The following NPLOC4 variants were observed in gnomAD, a reference collection of about 807,000 sequenced individuals.
NPLOC4 encodes NPL4 homolog, ubiquitin recognition factor.
A neutral mutation model predicts 80.6 loss-of-function variants in NPLOC4; 18 were observed. The observed-to-expected ratio is 0.22, with a 90% CI of 0.15 to 0.33. NPLOC4 has a LOEUF of 0.33. NPLOC4 is among the 10% of genes least tolerant of loss of function. The pLI, the probability that NPLOC4 is intolerant of heterozygous loss-of-function variation, is 1.00. For missense variants in NPLOC4, 540 were observed against 786.1 expected (o/e 0.69, Z 3.74); for synonymous variants, 313 against 301.5 (o/e 1.04, Z -0.39).
At position 81,634,590 on chromosome 17, in the gene NPLOC4, T is replaced by TC. The variant is rs953723478; in HGVS notation, c.15+2325_15+2326insG. On this transcript the variant is annotated intron_variant, in intron 1 of 16. Coordinates refer to ENST00000331134, the MANE Select transcript of NPLOC4 (RefSeq NM_017921.4). ...AGGCAAAGTCACCAATGATTAACAC[T>TC]TTTTTTTTTTTTTTTGAGACAGTCT... Among the ~76,000 whole-genome samples, 7 of 50,196 alleles carry TC rather than the reference T, an allele frequency of 1.4e-4. No homozygotes were observed. The African/African-American group carries it at 1.9e-3, about 14-fold the overall frequency. The allele number at this position is 50,196 out of a possible 152,430, so 32.9% of individuals were successfully genotyped here.
chr17:81,627,862 G>C (rs528608201), intron 2 of NPLOC4, among the ~76,000 whole-genome samples: 1 of 152,270 alleles, frequency 6.6e-6, no homozygotes, highest in African/African-American at 2.4e-5. Context: ...CTGGAACCCA[G>C]GAGGCGGAGG....
chr17:81,636,811 G>A (rs1343904512), intron 1 of NPLOC4, 105 bp downstream of exon 1: 48 of 1,205,408 alleles, frequency 4.0e-5, no homozygotes, highest in Admixed American at 1.9e-4. Context: ...GAAGAGAAAG[G>A]GGCCGAGTCG....
At chr17:81,614,727 C>T (rs564491067) in intron 3 of NPLOC4, among the ~76,000 whole-genome samples, 15 of 152,268 alleles carry the variant, frequency 9.9e-5, no homozygotes, top group African/African-American at 3.6e-4. Context: ...TGGCAAACTG[C>T]TGACCTCAGA....
chr17:81,582,170 A>G (rs1294465843), intron 12 of NPLOC4, among the ~76,000 whole-genome samples: 1 of 152,242 alleles, frequency 6.6e-6, no homozygotes, highest in Non-Finnish European at 1.5e-5. Flanking sequence ...CTAGGAGCCC[A>G]AGCTGAGGCC....
Position 81,559,286 on chromosome 17 carries a change from G to C in NPLOC4, c.1800C>G (p.Cys600Trp). ...TFMNQPGTGH[C>W]EMCSLPRT ...AGGTCCTGGGGAGGCTGCACATCTCGCAGTGGCCTGTGCCTGGCTGGTTCA... is the reference window on the plus strand; with the variant it reads ...AGGTCCTGGGGAGGCTGCACATCTCCCAGTGGCCTGTGCCTGGCTGGTTCA... The change falls in exon 17 of 17, where the codon TGC (cysteine) becomes TGG (tryptophan). Residue 600 changes from cysteine (C) to tryptophan (W), a missense_variant. Around this residue, in one of 6 missense-constraint regions of NPLOC4, gnomAD observed 87 missense variants for 70.3 expected, o/e 1.24. Transcript: ENST00000331134. The C allele has an allele frequency of 6.2e-7, 1 of 1,604,850 alleles. No homozygotes were observed. The highest frequency in any genetic ancestry group is 8.5e-7 in the Non-Finnish European group (1 of 1,176,198).
At chr17:81,632,241 C>G (rs1280311009) in intron 1 of NPLOC4, among the ~76,000 whole-genome samples, 1 of 152,128 alleles carries the variant, frequency 6.6e-6, no homozygotes. Flanking sequence ...TCCTAAAGTG[C>G]TGGGATTATA....
chr17:81,565,628 G>T, intron 15 of NPLOC4, 21 bp from the exon 16 acceptor site: 3 of 1,526,404 alleles, frequency 2.0e-6, no homozygotes, highest in Non-Finnish European at 2.6e-6. Flanking sequence ...CCAAAAGGAA[G>T]GTTCCTCTTC....
At position 81,635,770 on chromosome 17, in the gene NPLOC4, A is replaced by G. The variant is rs1199709002; in HGVS notation, c.15+1146T>C. ...AGACTGTCACAATGCTACAGTATGA[A>G]CATTACTCTTCACCCAATACTGCTA... On this transcript the variant is annotated intron_variant, in intron 1 of 16. Coordinates refer to ENST00000331134, the MANE Select transcript of NPLOC4 (RefSeq NM_017921.4). 3.3e-5 allele frequency among the ~76,000 whole-genome samples: 5 copies of G among 152,160 alleles called. No homozygotes were observed. In the East Asian group the frequency reaches 9.6e-4, roughly 29 times the overall value.
chr17:81,579,900 C>T (rs2034394558), intron 12 of NPLOC4, among the ~76,000 whole-genome samples: 1 of 151,928 alleles, frequency 6.6e-6, no homozygotes, highest in South Asian at 2.1e-4. Flanking sequence ...TGAGCTCACC[C>T]CCCATTCTCC....
intron 16 of NPLOC4, 66 bp from the exon 17 acceptor site, chr17:81,559,482 C>T: frequency 6.6e-7 from 1 of 1,518,154 alleles, no homozygotes; most frequent in South Asian, 1.3e-5. Context: ...AGAGTGTGGG[C>T]ATGGGGGCAG....
intron 16 of NPLOC4, among the ~76,000 whole-genome samples, chr17:81,559,719 G>C (rs1037229180): frequency 7.3e-6 from 1 of 136,342 alleles, no homozygotes. Flanking sequence ...CATTTGGGTT[G>C]TTTCCAGCTT....
intron 3 of NPLOC4, 48 bp from the exon 4 acceptor site, chr17:81,613,542 C>G (rs780199960): frequency 1.3e-6 from 2 of 1,554,118 alleles, no homozygotes; most frequent in Non-Finnish European, 8.7e-7. Context: ...ACCACCTGAG[C>G]TTCATGGAAG....
chr17:81,636,861 G>C, intron 1 of NPLOC4, 55 bp downstream of exon 1: 1 of 1,388,322 alleles, frequency 7.2e-7, no homozygotes, highest in Non-Finnish European at 9.4e-7. Context: ...GCCGAGGCCG[G>C]CAAATCTGCT....
chr17:81,579,839 CGAAA>C (rs1321587350), intron 12 of NPLOC4, among the ~76,000 whole-genome samples: 1 of 152,048 alleles, frequency 6.6e-6, no homozygotes, highest in Non-Finnish European at 1.5e-5. Context: ...TGAAACCCCC[CGAAA>C]GAGTCATGCA....
chr17:81,559,190 C>T lies in NPLOC4; in HGVS notation c.*69G>A. The stretch of plus-strand genomic sequence containing the variant: ...CTATGGGGCAGTTACAGGGAACACA[C>T]TCAGCAACGCTTCTGGCTTCAGGAA... On this transcript the variant is annotated 3_prime_UTR_variant, in exon 17 of 17. Transcript: ENST00000331134. The T allele has an allele frequency of 6.7e-7, 1 of 1,492,632 alleles. No homozygotes were observed. Among genetic ancestry groups the T allele is most frequent in the Non-Finnish European group, 9.0e-7 (1 of 1,114,666 alleles). 92.5% of individuals were successfully genotyped at this position (1,492,632 alleles called of 1,614,324 possible).
At chr17:81,607,172 A>G (rs572918466) in intron 6 of NPLOC4, among the ~76,000 whole-genome samples, 3 of 152,324 alleles carry the variant, frequency 2.0e-5, no homozygotes, top group East Asian at 3.9e-4. Flanking sequence ...AGGCTCCTAC[A>G]GGTTTCATTA....
Position 81,622,240 on chromosome 17 carries a change from C to T in NPLOC4, c.135G>A (p.Ser45=). ...CGGTCTTGTTTCTATTGATGTAAACCGAGAAGCCATTATTTTGGAAGCCAA... is the reference window on the plus strand; with the variant it reads ...CGGTCTTGTTTCTATTGATGTAAACTGAGAAGCCATTATTTTGGAAGCCAA... ...KEFGFQNNGF[S]VYINRNKTGE... Residue 45 remains serine, a synonymous_variant, in exon 3 of 17, where the codon TCG becomes TCA. Coordinates refer to ENST00000331134, the MANE Select transcript of NPLOC4 (RefSeq NM_017921.4). 1.9e-6 allele frequency: 3 copies of T among 1,613,812 alleles called. No homozygotes were observed. The highest frequency in any genetic ancestry group is 2.2e-5 in the East Asian group (1 of 44,878).
chr17:81,613,404 A>G lies in NPLOC4; in HGVS notation c.300T>C (p.Phe100=), dbSNP rs1303307929. Reference sequence around the variant, plus strand: ...CATCCTCCACCACGTTGGGAGCGCCAAAGACTTTGAAGCCCGGTGGAACTG... The same window carrying G: ...CATCCTCCACCACGTTGGGAGCGCCGAAGACTTTGAAGCCCGGTGGAACTG... ...ETSVPPGFKV[F]GAPNVVEDEI... The change falls in exon 4 of 17, where the codon TTT becomes TTC. Residue 100 remains phenylalanine (F), a synonymous_variant. Coordinates refer to ENST00000331134, the MANE Select transcript of NPLOC4 (RefSeq NM_017921.4). The G allele has an allele frequency of 2.5e-6, 4 of 1,613,994 alleles. No individual in the cohort carries two copies. The highest frequency in any genetic ancestry group is 2.2e-5 in the South Asian group (2 of 91,080).
At chr17:81,636,682 G>A (rs964908674) in intron 1 of NPLOC4, among the ~76,000 whole-genome samples, 1 of 152,164 alleles carries the variant, frequency 6.6e-6, no homozygotes, top group South Asian at 2.1e-4. Flanking sequence ...GCCTTTCCCT[G>A]CCCAGGGCGG....
Sources: gnomAD v4.1 joint callset for allele counts (sites outside exome capture counted in the v4.1 genomes callset) on GRCh38, gnomAD v4.1.1 for gene constraint, gnomAD v4.1.1 regional missense constraint, MANE v1.5 for transcripts, NCBI Gene and HGNC (gene_info 2026-07-23, HGNC 2026-07-21) for gene names.